The following DYNC1H1 variants were observed in gnomAD, a reference collection of about 807,000 sequenced individuals.
DYNC1H1 encodes dynein cytoplasmic 1 heavy chain 1.
DYNC1H1 carries 51 observed loss-of-function variants against 527.1 expected under a neutral mutation model. The observed-to-expected ratio is 0.10, with a 90% CI of 0.08 to 0.12. The LOEUF (loss-of-function observed/expected upper bound fraction) is 0.12. DYNC1H1 is among the 10% of genes least tolerant of loss of function. DYNC1H1 has a pLI of 1.00. For synonymous variants in DYNC1H1, 2,189 were observed against 2,278.8 expected (o/e 0.96, Z 1.12); for missense variants, 2,771 against 5,971.8 (o/e 0.46, Z 17.66).
At chr14:102,048,430 C>A in intron 73 of DYNC1H1, 86 bp from the exon 74 acceptor site, 1 of 1,578,102 alleles carries the variant, frequency 6.3e-7, no homozygotes, top group Middle Eastern at 1.8e-4. Context: ...GGGGCTCTCC[C>A]CGGAGGCCGA....
Position 102,010,829 on chromosome 14 carries a change from C to T in DYNC1H1, c.6495C>T (p.Phe2165=). 1 of 1,614,222 alleles carries T rather than the reference C, an allele frequency of 6.2e-7. No individual in the cohort carries two copies. ...TCTTCAGCCTCCTGTCGGACGTGTT[C>T]CCTGGAGTCCAGTATCACAGGGGTG... ...PLLFSLLSDV[F]PGVQYHRGEM... is the part of the protein sequence containing the mutation. The change falls in exon 32 of 78, where the codon TTC becomes TTT. Residue 2165 remains phenylalanine, a synonymous_variant. Transcript: ENST00000360184. This position sits in a 1 kb window ranked among gnomAD's most constrained non-coding sequence, Gnocchi z 6.0.
chr14:101,982,075 T>G (rs2141271477), intron 5 of DYNC1H1, among the ~76,000 whole-genome samples: 1 of 152,332 alleles, frequency 6.6e-6, no homozygotes, highest in East Asian at 1.9e-4. Flanking sequence ...GCCTGAGCTC[T>G]GCCCCCGTCA....
intron 15 of DYNC1H1, among the ~76,000 whole-genome samples, chr14:101,995,558 C>A (rs932759064): frequency 2.6e-5 from 4 of 151,198 alleles, no homozygotes; most frequent in Non-Finnish European, 2.9e-5. Flanking sequence ...TTGCAGTGAG[C>A]CGAAATTGTG....
Position 102,012,125 on chromosome 14 carries a change from T to C in DYNC1H1, c.6857+12T>C. On this transcript the variant is annotated intron_variant, in intron 33 of 77. Coordinates refer to ENST00000360184, the MANE Select transcript of DYNC1H1 (RefSeq NM_001376.5). This position sits in a 1 kb window ranked among gnomAD's most constrained non-coding sequence, Gnocchi z 4.9. The stretch of plus-strand genomic sequence containing the variant: ...CACGTGCTGAGAAAGTACGTCTTCT[T>C]TGATCTGTGTTTGTGTTCTCCTGGA... 5 of 1,614,044 alleles carry C rather than the reference T, an allele frequency of 3.1e-6. No individual in the cohort carries two copies. Among genetic ancestry groups the C allele is most frequent in the Non-Finnish European group, 4.2e-6 (5 of 1,179,914 alleles).
In DYNC1H1 at chr14:102,036,478, C is replaced by T. The variant is rs1340242243; in HGVS notation, c.10755-11C>T. 2.5e-6 allele frequency: 4 copies of T among 1,613,352 alleles called. No individual in the cohort carries two copies. The highest frequency in any genetic ancestry group is 3.4e-6 in the Non-Finnish European group (4 of 1,179,820). On this transcript the variant is annotated splice_polypyrimidine_tract_variant and intron_variant, in intron 56 of 77. Transcript: ENST00000360184. This position sits in a 1 kb window ranked among gnomAD's most constrained non-coding sequence, Gnocchi z 5.6. ...GTGTTTCAACCTTCTCTTCTGTGGC[C>T]TCATCCTCAGGTATCCGCTGATCAT... is the stretch of plus-strand genomic sequence containing the variant.
In DYNC1H1 at chr14:101,964,752, G is replaced by T; in HGVS notation, c.61G>T (p.Val21Leu). 1 of 1,598,616 alleles carries T rather than the reference G, an allele frequency of 6.3e-7. No homozygotes were observed. Among genetic ancestry groups the T allele is most frequent in the Non-Finnish European group, 8.5e-7 (1 of 1,176,034 alleles). ...CTCGGCCGGATTGGAAGTGTCGGCC[G>T]TGCAGAATGTGGCGGACGTGTCGGT... ...DGSAGLEVSA[V>L]QNVADVSVLQ... is the part of the protein sequence containing the mutation. The change falls in exon 1 of 78, where the codon GTG becomes TTG. Residue 21 changes from valine to leucine, a missense_variant. Val to Leu is a conservative substitution (Grantham distance 32). Coordinates refer to ENST00000360184, the MANE Select transcript of DYNC1H1 (RefSeq NM_001376.5). The surrounding 1 kb of genome is among the most constrained non-coding windows in gnomAD (Gnocchi z 5.5).
chr14:101,971,370 A>G (rs2047736993), intron 1 of DYNC1H1, among the ~76,000 whole-genome samples: 1 of 150,920 alleles, frequency 6.6e-6, no homozygotes, highest in African/African-American at 2.4e-5. Flanking sequence ...CACTGGGCCC[A>G]GTCGAGGGTG....
chr14:102,035,767 C>T lies in DYNC1H1; in HGVS notation c.10755-722C>T, dbSNP rs371008908. ...ACACATGTGTCTGTAAATGCTTAGA[C>T]CTTCTCTGTAAAGACAGGCGAAAAA... On this transcript the variant is annotated intron_variant, in intron 56 of 77. Coordinates refer to ENST00000360184, the MANE Select transcript of DYNC1H1 (RefSeq NM_001376.5). 3.3e-5 allele frequency: 5 copies of T among 152,772 alleles called. No homozygotes were observed. The East Asian group carries it at 7.7e-4, about 24-fold the overall frequency. The allele number at this position is 152,772 out of a possible 1,614,324, so 9.5% of individuals were successfully genotyped here.
In DYNC1H1 at chr14:102,012,120, C is replaced by A. The variant is rs1433768341; in HGVS notation, c.6857+7C>A. On this transcript the variant is annotated splice_region_variant and intron_variant, in intron 33 of 77. Transcript: ENST00000360184. This position sits in a 1 kb window ranked among gnomAD's most constrained non-coding sequence, Gnocchi z 4.9. ...TCACACACGTGCTGAGAAAGTACGT[C>A]TTCTTTGATCTGTGTTTGTGTTCTC... 6.2e-7 allele frequency: 1 copy of A among 1,613,836 alleles called. No individual in the cohort carries two copies. The highest frequency in any genetic ancestry group is 8.5e-7 in the Non-Finnish European group (1 of 1,179,880).
At chr14:102,006,593 A>G (rs933290216) in intron 27 of DYNC1H1, among the ~76,000 whole-genome samples, 9 of 149,888 alleles carry the variant, frequency 6.0e-5, no homozygotes, top group Admixed American at 1.3e-4. Flanking sequence ...GTTTGCATTT[A>G]TTACTACTTT....
rs1358437961 is a variant in DYNC1H1 at position 102,015,793 on chromosome 14, A to G, written c.7243-63A>G. On this transcript the variant is annotated intron_variant, in intron 35 of 77. Coordinates refer to ENST00000360184, the MANE Select transcript of DYNC1H1 (RefSeq NM_001376.5). This position sits in a 1 kb window ranked among gnomAD's most constrained non-coding sequence, Gnocchi z 6.9. ...TATGACCTTCTCCTGGGACCAGGTT[A>G]GAATCGATGAAACTCGCCTGCCTTT... 1 of 1,565,476 alleles carries G rather than the reference A, an allele frequency of 6.4e-7. No individual in the cohort carries two copies. Among genetic ancestry groups the G allele is most frequent in the African/African-American group, 1.3e-5 (1 of 74,096 alleles).
At position 101,974,202 on chromosome 14, in the gene DYNC1H1, C is replaced by T. The variant is rs560677771; in HGVS notation, c.257-1510C>T. On this transcript the variant is annotated intron_variant, in intron 1 of 77. Transcript: ENST00000360184. ...ACAACCTCCGCCTCCTGGGTTCAAG[C>T]GATTCGCCTGCCTCAGCTTCCCGAG... Among the ~76,000 whole-genome samples the T allele has an allele frequency of 3.0e-3, 456 of 152,292 alleles. 1 individual carries two copies. Among genetic ancestry groups the T allele is most frequent in the Non-Finnish European group, 4.3e-3 (293 of 68,022 alleles).
rs2048134061 is a variant in DYNC1H1, at chr14:102,001,829, T to A, written c.4542+148T>A. On this transcript the variant is annotated intron_variant, in intron 21 of 77. Coordinates refer to ENST00000360184, the MANE Select transcript of DYNC1H1 (RefSeq NM_001376.5). This position sits in a 1 kb window ranked among gnomAD's most constrained non-coding sequence, Gnocchi z 5.0. ...CTCTGTCTCCCACGCTGGAGTGCAG[T>A]GGCACCATCACAGCTCACTGCTGCA... 5 of 1,145,206 alleles carry A rather than the reference T, an allele frequency of 4.4e-6. No homozygotes were observed. In the Admixed American group the frequency reaches 8.3e-5, roughly 19 times the overall value. 70.9% of individuals were successfully genotyped at this position (1,145,206 alleles called of 1,614,324 possible). A position where few individuals can be genotyped will look rare whatever the true frequency, so the allele number is the denominator to read the frequency against.
In DYNC1H1 at chr14:102,038,354, GCTTTT is replaced by G; in HGVS notation, c.10909-105_10909-101del. The G allele has an allele frequency of 6.5e-7, 1 of 1,532,884 alleles. No homozygotes were observed. The allele number at this position is 1,532,884 out of a possible 1,614,324, so 95.0% of individuals were successfully genotyped here. ...GGCCACCACACGCAAGTGGCGGGTG[GCTTTT>G]GGGAAGGTATGCTTATCCAGAGTAG... On this transcript the variant is annotated intron_variant, in intron 57 of 77. Transcript: ENST00000360184. The surrounding 1 kb of genome is among the most constrained non-coding windows in gnomAD (Gnocchi z 7.2).
At position 101,995,306 on chromosome 14, in the gene DYNC1H1, C is replaced by G. The variant is rs762699062; in HGVS notation, c.3564+6C>G. On this transcript the variant is annotated splice_donor_region_variant and intron_variant, in intron 15 of 77. Coordinates refer to ENST00000360184, the MANE Select transcript of DYNC1H1 (RefSeq NM_001376.5). ...AGTTTGAGAAGCAAGTTGAGGTGAG[C>G]TCTGTGCATATTTAAAAATTTTTGG... 6.2e-7 allele frequency: 1 copy of G among 1,614,000 alleles called. No homozygotes were observed. Among genetic ancestry groups the G allele is most frequent in the African/African-American group, 1.3e-5 (1 of 74,928 alleles).
rs1337728823 is a variant in DYNC1H1 at position 102,017,538 on chromosome 14, C to CA, written c.8177+35dup. 2.5e-6 allele frequency: 4 copies of CA among 1,609,718 alleles called. No homozygotes were observed. Among genetic ancestry groups the CA allele is most frequent in the African/African-American group, 2.8e-5 (2 of 72,608 alleles). On this transcript the variant is annotated intron_variant, in intron 40 of 77. Transcript: ENST00000360184. The surrounding 1 kb of genome is among the most constrained non-coding windows in gnomAD (Gnocchi z 4.6). ...GCTCGGTAGACTGCTCTGCTTCACA[C>CA]ACGCACAGCTCCAGGATTGCTGTAA...
In DYNC1H1 at chr14:101,986,286, C is replaced by T; in HGVS notation, c.2061C>T (p.Asp687=). The T allele has an allele frequency of 6.2e-7, 1 of 1,613,854 alleles. No homozygotes were observed. The highest frequency in any genetic ancestry group is 8.5e-7 in the Non-Finnish European group (1 of 1,179,906). ...VEGQKLKQDG[D]SFRMKLNTQE... The stretch of plus-strand genomic sequence containing the variant: ...GGCAGAAGCTGAAGCAGGATGGAGA[C>T]AGCTTCCGCATGAAGCTCAACACGC... The change falls in exon 8 of 78, where the codon GAC becomes GAT. Residue 687 remains aspartate, a synonymous_variant. Transcript: ENST00000360184. The surrounding 1 kb of genome is among the most constrained non-coding windows in gnomAD (Gnocchi z 8.7).
intron 7 of DYNC1H1, among the ~76,000 whole-genome samples, chr14:101,984,397 ATATATGTGTG>A (rs1209413434): frequency 3.3e-5 from 3 of 89,958 alleles, no homozygotes; most frequent in African/African-American, 1.5e-4. Flanking sequence ...ATATATGCGT[ATATATGTGTG>A]TGTGTGTGTG....
Position 102,054,187 on chromosome 14 carries a change from A to T in DYNC1H1, c.*3624A>T, listed in dbSNP as rs1162519552. The stretch of plus-strand genomic sequence containing the variant: ...GGCACAGACCTGGGAGGCTTGGCTC[A>T]AACCGCCCTGCCCTCCGTTGGCAGG... On this transcript the variant is annotated 3_prime_UTR_variant, in exon 78 of 78. Transcript: ENST00000360184. 1.3e-5 allele frequency: 2 copies of T among 152,278 alleles called. No individual in the cohort carries two copies. The highest frequency in any genetic ancestry group is 3.8e-4 in the East Asian group (2 of 5,204). The allele number at this position is 152,278 out of a possible 1,614,324, so 9.4% of individuals were successfully genotyped here.
Sources: gnomAD v4.1 joint callset for allele counts (sites outside exome capture counted in the v4.1 genomes callset) on GRCh38, gnomAD v4.1.1 for gene constraint, Gnocchi (gnomAD v3.1) non-coding constraint, MANE v1.5 for transcripts, NCBI Gene and HGNC (gene_info 2026-07-23, HGNC 2026-07-21) for gene names.